IQSEC1: variants seen among roughly 807,000 people sequenced by gnomAD.
The protein encoded by IQSEC1 is IQ motif and Sec7 domain ArfGEF 1, also known as IQ motif and SEC7 domain-containing protein 1.
A neutral mutation model predicts 91.0 loss-of-function variants in IQSEC1; 31 were observed. The ratio of observed to expected loss-of-function variants is 0.34; its 90% CI spans 0.26 to 0.46. The LOEUF is 0.46. Ranked by LOEUF, IQSEC1 falls within the 20% of genes least tolerant of loss-of-function variation. The pLI is 1.00. For missense variants in IQSEC1, 1,388 were observed against 1,575.6 expected, an observed-to-expected ratio of 0.88 and a Z score of 2.02; for synonymous variants, 699 against 662.6, an observed-to-expected ratio of 1.05 and a Z score of -0.84.
intron 1 of IQSEC1, among the ~76,000 whole-genome samples, chr3:12,993,234 C>T (rs1702069895): frequency 6.6e-6 from 1 of 152,190 alleles, no homozygotes; most frequent in East Asian, 1.9e-4. Flanking sequence ...CAGTCTCTTC[C>T]CCACGTGGTA....
At chr3:13,213,445 G>T (rs1229234342) in intron 1 of IQSEC1, among the ~76,000 whole-genome samples, 1 of 152,206 alleles carries the variant, frequency 6.6e-6, no homozygotes, top group Non-Finnish European at 1.5e-5. Flanking sequence ...TGGACATCGG[G>T]AGTTGTGGGA....
At chr3:12,971,357 T>G (rs1700883552) in intron 1 of IQSEC1, among the ~76,000 whole-genome samples, 1 of 152,114 alleles carries the variant, frequency 6.6e-6, no homozygotes, top group African/African-American at 2.4e-5. Context: ...GAACGAATCC[T>G]ACAGCGCCGC....
rs906486295 is a variant in IQSEC1, at chr3:13,158,531, A to C, written c.302+5573T>G. On this transcript the variant is annotated intron_variant, in intron 2 of 15. Transcript: ENST00000648114. ...TGGTAACCAGGCCCACCGTCTCCAG[A>C]ATCTCCCCCACCATCCCCAAACAAA... Among the ~76,000 whole-genome samples the C allele has an allele frequency of 5.9e-5, 9 of 152,162 alleles. 1 individual carries two copies. Among genetic ancestry groups the C allele is most frequent in the Admixed American group, 5.2e-4 (8 of 15,282 alleles).
At chr3:13,053,148 C>A (rs770367588) in intron 1 of IQSEC1, 10 of 772,772 alleles carry the variant, frequency 1.3e-5, no homozygotes, top group African/African-American at 3.4e-5. Context: ...CAAGCACACA[C>A]CACGATGATG....
rs1367485860 is a variant in IQSEC1, at chr3:12,941,637, C to T, written c.252G>A (p.Glu84=). The change falls in exon 2 of 14, where the codon GAG becomes GAA. Residue 84 remains glutamate, a synonymous_variant. Coordinates refer to ENST00000613206, the MANE Select transcript of IQSEC1 (RefSeq NM_001134382.3). ...TSILRKQAEE[E]AIKRSRSLSE... ...AGAGTGAGCGTGAGCGCTTGATGGC[C>T]TCCTCCTCAGCCTGCTTGCGCAGGA... The T allele has an allele frequency of 6.2e-7, 1 of 1,612,166 alleles. No individual in the cohort carries two copies.
intron 1 of IQSEC1, among the ~76,000 whole-genome samples, chr3:13,053,334 C>T (rs1052585196): frequency 1.3e-5 from 2 of 152,136 alleles, no homozygotes; most frequent in African/African-American, 2.4e-5. Context: ...TGAATCCCCT[C>T]GAGCCTTCCA....
intron 2 of IQSEC1, among the ~76,000 whole-genome samples, chr3:13,159,728 A>C (rs942808814): frequency 1.3e-5 from 2 of 152,208 alleles, no homozygotes; most frequent in Non-Finnish European, 2.9e-5. Context: ...AACTCATTGA[A>C]TGGAACTTAT....
chr3:12,904,998 C>T (rs1020112389), intron 12 of IQSEC1, among the ~76,000 whole-genome samples: 1 of 152,196 alleles, frequency 6.6e-6, no homozygotes, highest in African/African-American at 2.4e-5. Context: ...CTCAGGTCAG[C>T]AAGAGATGCA....
intron 1 of IQSEC1, among the ~76,000 whole-genome samples, chr3:13,257,198 C>G (rs1440693991): frequency 3.9e-5 from 6 of 152,184 alleles, no homozygotes; most frequent in Non-Finnish European, 7.3e-5. Flanking sequence ...ACACACCTCA[C>G]AGCTCAGGGG....
intron 1 of IQSEC1, among the ~76,000 whole-genome samples, chr3:13,053,336 A>T (rs1177732006): frequency 2.6e-5 from 4 of 152,088 alleles, no homozygotes; most frequent in Non-Finnish European, 4.4e-5. Flanking sequence ...AATCCCCTCG[A>T]GCCTTCCAAG....
chr3:13,022,252 T>C (rs1039991011), intron 1 of IQSEC1: 6 of 1,224,538 alleles, frequency 4.9e-6, no homozygotes, highest in Non-Finnish European at 5.1e-6. Flanking sequence ...GCCCCCAAAG[T>C]TAGGGAAAAG....
intron 1 of IQSEC1, among the ~76,000 whole-genome samples, chr3:13,000,411 C>T (rs925597580): frequency 1.3e-5 from 2 of 152,190 alleles, no homozygotes; most frequent in African/African-American, 4.8e-5. Flanking sequence ...TTGGCTCCCA[C>T]AGTGTCCTGT....
chr3:13,058,814 C>T (rs1328063828), intron 1 of IQSEC1, among the ~76,000 whole-genome samples: 2 of 152,230 alleles, frequency 1.3e-5, no homozygotes, highest in Non-Finnish European at 2.9e-5. Context: ...GTTCCCCATG[C>T]ATCTGTCTCC....
chr3:13,169,408 A>ATGT (rs1488544432), intron 1 of IQSEC1, among the ~76,000 whole-genome samples: 7 of 152,202 alleles, frequency 4.6e-5, no homozygotes, highest in Admixed American at 3.9e-4. Flanking sequence ...CTTTATCAGC[A>ATGT]GTGTGAAAAT....
chr3:12,900,308 C>A lies in IQSEC1; in HGVS notation c.*675G>T. 1 of 984,846 alleles carries A rather than the reference C, an allele frequency of 1.0e-6. No individual in the cohort carries two copies. The highest frequency in any genetic ancestry group is 1.2e-6 in the Non-Finnish European group (1 of 829,568). The allele number at this position is 984,846 out of a possible 1,614,324, so 61.0% of individuals were successfully genotyped here. The stretch of plus-strand genomic sequence containing the variant: ...AAATATGAAGTATCTGAATTTGTTC[C>A]TAGCATTTAGGGTTTGGTCTATTGT... On this transcript the variant is annotated 3_prime_UTR_variant, in exon 14 of 14. Coordinates refer to ENST00000613206, the MANE Select transcript of IQSEC1 (RefSeq NM_001134382.3).
At chr3:13,135,981 T>C (rs1446632002) in intron 2 of IQSEC1, among the ~76,000 whole-genome samples, 4 of 152,214 alleles carry the variant, frequency 2.6e-5, no homozygotes, top group Non-Finnish European at 5.9e-5. Context: ...GGGACTCTGC[T>C]GCGTGGGACA....
chr3:13,278,811 C>T (rs1272005515), intron 1 of IQSEC1, among the ~76,000 whole-genome samples: 2 of 150,584 alleles, frequency 1.3e-5, no homozygotes, highest in African/African-American at 4.9e-5. Context: ...CAGAGCAAGA[C>T]TCCGTCTTGG....
intron 1 of IQSEC1, among the ~76,000 whole-genome samples, chr3:13,059,007 A>G (rs934922360): frequency 7.2e-5 from 11 of 152,004 alleles, no homozygotes; most frequent in Admixed American, 2.0e-4. Flanking sequence ...TCACCAGGGC[A>G]TGAGAGTGGG....
chr3:12,997,008 A>G (rs1702250978), intron 1 of IQSEC1, among the ~76,000 whole-genome samples: 1 of 152,230 alleles, frequency 6.6e-6, no homozygotes, highest in South Asian at 2.1e-4. Context: ...CAGCATGCTA[A>G]TATAAAAATA....
Sources: gnomAD v4.1 joint callset for allele counts (sites outside exome capture counted in the v4.1 genomes callset) on GRCh38, gnomAD v4.1.1 for gene constraint, MANE v1.5 for transcripts, NCBI Gene and HGNC (gene_info 2026-07-23, HGNC 2026-07-21) for gene names.